Variants in YWHAE observed in about 807,000 individuals in gnomAD.
YWHAE encodes 14-3-3 protein epsilon.
Under a neutral mutation model 30.1 loss-of-function variants are expected in YWHAE, and 4 were observed. The ratio of observed to expected loss-of-function variants is 0.13; its 90% CI spans 0.07 to 0.30. The LOEUF (loss-of-function observed/expected upper bound fraction) is 0.30, where lower values mean the gene tolerates loss of function less well. Ranked by LOEUF, YWHAE falls within the 10% of genes least tolerant of loss-of-function variation. YWHAE has a pLI of 1.00. For missense variants in YWHAE, 121 were observed against 315.9 expected, an observed-to-expected ratio of 0.38 and a Z score of 4.68; for synonymous variants, 118 against 111.8, an observed-to-expected ratio of 1.06 and a Z score of -0.35.
At position 1,345,193 on chromosome 17, in the gene YWHAE, T is replaced by C. The variant is rs112991360; in HGVS notation, c.*254A>G. On this transcript the variant is annotated 3_prime_UTR_variant, in exon 6 of 6. Transcript: ENST00000264335. ...GACACAGTAATGCTGAAAAAGCCTC[T>C]ATGTAGTCCTGTTAGTGTCTTAAAG... 2.1e-5 allele frequency: 11 copies of C among 514,300 alleles called. No individual in the cohort carries two copies. Among genetic ancestry groups the C allele is most frequent in the Non-Finnish European group, 3.1e-5 (9 of 291,260 alleles). The allele number at this position is 514,300 out of a possible 1,614,324, so 31.9% of individuals were successfully genotyped here.
rs568483553 is a variant in YWHAE, at chr17:1,393,060, G to A, written c.64+6987C>T. On this transcript the variant is annotated intron_variant, in intron 1 of 5. Transcript: ENST00000264335. ...CTCTACTAAAACACAAAAGAAATTA[G>A]CTGGGAGTGGTGGATCGCGCCACTG... Among the ~76,000 whole-genome samples, 4 of 151,736 alleles carry A rather than the reference G, an allele frequency of 2.6e-5. No homozygotes were observed. In the East Asian group the frequency reaches 5.8e-4, roughly 22 times the overall value.
At chr17:1,399,227 G>C (rs910443199) in intron 1 of YWHAE, 1 of 152,134 alleles carries the variant, frequency 6.6e-6, no homozygotes, top group African/African-American at 2.4e-5. Flanking sequence ...GATGGAGCCA[G>C]AGAAAGGTTA....
chr17:1,384,942 C>T (rs1267435990), intron 1 of YWHAE, among the ~76,000 whole-genome samples: 1 of 151,906 alleles, frequency 6.6e-6, no homozygotes, highest in Non-Finnish European at 1.5e-5. Flanking sequence ...AACTCCCAAC[C>T]ACAGATGATC....
intron 4 of YWHAE, among the ~76,000 whole-genome samples, chr17:1,356,001 T>G (rs2072734314): frequency 6.6e-6 from 1 of 152,098 alleles, no homozygotes; most frequent in South Asian, 2.1e-4. Flanking sequence ...ACCCCGTCTC[T>G]ACTAAAAATA....
At chr17:1,388,574 CT>C (rs61089437) in intron 1 of YWHAE, among the ~76,000 whole-genome samples, 70,160 of 135,500 alleles carry the variant, frequency 0.52, 18,405 homozygotes, top group Admixed American at 0.66. Flanking sequence ...CATGCCCAGC[CT>C]TTTTTTTTTT....
chr17:1,387,557 A>G (rs955830265), intron 1 of YWHAE, among the ~76,000 whole-genome samples: 1 of 152,068 alleles, frequency 6.6e-6, no homozygotes, highest in Non-Finnish European at 1.5e-5. Context: ...TTAACTTTAC[A>G]TTCAGATTTT....
At chr17:1,388,113 GGTTGGTTTTTTTTT>G (rs1422122477) in intron 1 of YWHAE, among the ~76,000 whole-genome samples, 8 of 35,124 alleles carry the variant, frequency 2.3e-4, no homozygotes, top group South Asian at 1.3e-3. Flanking sequence ...TTTTTTTTTT[GGTTGGTTTTTTTTT>G]TTTTTTTTTT....
chr17:1,351,459 A>G (rs2072630484), intron 5 of YWHAE, among the ~76,000 whole-genome samples: 1 of 151,710 alleles, frequency 6.6e-6, no homozygotes, highest in Non-Finnish European at 1.5e-5. Flanking sequence ...TACTCTCAAA[A>G]ACATGTCCCC....
At chr17:1,366,530 C>T (rs2150855055) in intron 1 of YWHAE, among the ~76,000 whole-genome samples, 1 of 152,148 alleles carries the variant, frequency 6.6e-6, no homozygotes, top group Middle Eastern at 3.4e-3. Flanking sequence ...CAGACTCCAT[C>T]TCAAAAAAAA....
intron 1 of YWHAE, among the ~76,000 whole-genome samples, chr17:1,385,772 T>C (rs111760007): frequency 0.012 from 1,753 of 152,262 alleles, 10 homozygotes; most frequent in Non-Finnish European, 0.02. Context: ...GTCTTCTTCA[T>C]ACATTAAAGA....
At chr17:1,354,784 T>A (rs906363825) in intron 4 of YWHAE, among the ~76,000 whole-genome samples, 1 of 151,816 alleles carries the variant, frequency 6.6e-6, no homozygotes, top group South Asian at 2.1e-4. Flanking sequence ...TGCCTCAGCC[T>A]CCCGAATGGC....
intron 1 of YWHAE, among the ~76,000 whole-genome samples, chr17:1,383,840 T>A (rs1229877498): frequency 1.3e-5 from 2 of 152,042 alleles, no homozygotes; most frequent in Non-Finnish European, 2.9e-5. Context: ...GTGGGAAGAT[T>A]TCCTGAGCCC....
chr17:1,380,097 A>C (rs1425852186), intron 1 of YWHAE, among the ~76,000 whole-genome samples: 1 of 148,332 alleles, frequency 6.7e-6, no homozygotes, highest in Admixed American at 7.0e-5. Context: ...AGAGTTTCAG[A>C]CTAGAAGACT....
At chr17:1,351,740 T>G (rs1729072373) in intron 5 of YWHAE, among the ~76,000 whole-genome samples, 1 of 152,120 alleles carries the variant, frequency 6.6e-6, no homozygotes. Flanking sequence ...CTCAGCCGTC[T>G]GAGAAGCATG....
intron 4 of YWHAE, among the ~76,000 whole-genome samples, chr17:1,356,377 G>T (rs1021583575): frequency 4.6e-5 from 7 of 152,094 alleles, no homozygotes; most frequent in Non-Finnish European, 8.8e-5. Context: ...AGAAGAAGAA[G>T]AATGAAGTGC....
rs1156409265 is a variant in YWHAE, at chr17:1,383,387, A to G, written c.64+16660T>C. On this transcript the variant is annotated intron_variant, in intron 1 of 5. Coordinates refer to ENST00000264335, the MANE Select transcript of YWHAE (RefSeq NM_006761.5). ...GGAAAAACTATTTCACATACTGTTT[A>G]ACTTTTTTTTTTTTTTTTGAGACGG... Among the ~76,000 whole-genome samples the G allele has an allele frequency of 7.5e-5, 9 of 120,590 alleles. No homozygotes were observed. In the Admixed American group the frequency reaches 8.2e-4, roughly 11 times the overall value. 79.1% of individuals were successfully genotyped at this position (120,590 alleles called of 152,430 possible).
chr17:1,355,114 TTTAAAAAAAAAAAAAAAAAAAAA>T (rs1567957994), intron 4 of YWHAE, among the ~76,000 whole-genome samples: 3 of 1,796 alleles, frequency 1.7e-3, no homozygotes, highest in African/African-American at 3.6e-3. Context: ...CCCAAGATTT[TTTAAAAAAAAAAAAAAAAAAAAA>T]AAAAAAAAAA....
rs1050771938 is a variant in YWHAE, at chr17:1,373,541, G to T, written c.65-8483C>A. On this transcript the variant is annotated intron_variant, in intron 1 of 5. Transcript: ENST00000264335. ...AAATTAGCCAGGCATGGTGGCGGGCGCCTGTAGTCCCAGCTACTCGGGAGG... is the reference window on the plus strand; with the variant it reads ...AAATTAGCCAGGCATGGTGGCGGGCTCCTGTAGTCCCAGCTACTCGGGAGG... Among the ~76,000 whole-genome samples, 4 of 151,880 alleles carry T rather than the reference G, an allele frequency of 2.6e-5. No homozygotes were observed. The South Asian group carries it at 8.3e-4, about 32-fold the overall frequency.
chr17:1,381,892 G>A (rs1193141121), intron 1 of YWHAE, among the ~76,000 whole-genome samples: 2 of 127,292 alleles, frequency 1.6e-5, no homozygotes, highest in South Asian at 2.5e-4. Flanking sequence ...CAGCCTGCAC[G>A]AGAGAGCGAC....
Sources: allele counts gnomAD v4.1 joint callset (sites outside exome capture counted in the v4.1 genomes callset), GRCh38; gene constraint gnomAD v4.1.1; transcripts MANE v1.5; gene names NCBI Gene and HGNC (gene_info 2026-07-23, HGNC 2026-07-21).